RSRC1: variants seen among roughly 807,000 people sequenced by gnomAD.
RSRC1 encodes serine/Arginine-related protein 53.
RSRC1 carries 39 observed loss-of-function variants against 49.1 expected under a neutral mutation model. The ratio of observed to expected loss-of-function variants is 0.79; its 90% CI spans 0.61 to 1.04. The LOEUF (loss-of-function observed/expected upper bound fraction) is 1.04, where lower values mean the gene tolerates loss of function less well. Ranked by LOEUF, RSRC1 falls within the 50% of genes least tolerant of loss-of-function variation. The pLI is 0.00. For missense variants in RSRC1, 388 were observed against 402.4 expected (o/e 0.96, Z 0.31); for synonymous variants, 143 against 130.8 (o/e 1.09, Z -0.63).
intron 7 of RSRC1, among the ~76,000 whole-genome samples, chr3:158,515,242 G>T (rs561525218): frequency 1.3e-5 from 2 of 152,094 alleles, no homozygotes; most frequent in Non-Finnish European, 2.9e-5. Context: ...GATATTGGTT[G>T]TTCCTTTCCA....
At chr3:158,127,756 GTTTT>G (rs34766107) in intron 3 of RSRC1, among the ~76,000 whole-genome samples, 9 of 81,232 alleles carry the variant, frequency 1.1e-4, no homozygotes, top group Non-Finnish European at 1.8e-4. Flanking sequence ...CTGCTTTGTG[GTTTT>G]TTTTTTTTTT....
At chr3:158,209,290 G>A (rs1429538437) in intron 4 of RSRC1, among the ~76,000 whole-genome samples, 1 of 152,086 alleles carries the variant, frequency 6.6e-6, no homozygotes, top group East Asian at 1.9e-4. Context: ...TATCATGGGA[G>A]TAGGTTTCTT....
intron 1 of RSRC1, among the ~76,000 whole-genome samples, chr3:158,111,806 T>C (rs1714429557): frequency 6.6e-6 from 1 of 152,246 alleles, no homozygotes; most frequent in Non-Finnish European, 1.5e-5. Flanking sequence ...TGGAAATCTT[T>C]GTTCTTCAAA....
At chr3:158,273,188 T>C (rs554163798) in intron 4 of RSRC1, among the ~76,000 whole-genome samples, 2 of 152,226 alleles carry the variant, frequency 1.3e-5, no homozygotes, top group African/African-American at 4.8e-5. Context: ...CTTATAAACC[T>C]GGAACTTCGT....
At chr3:158,529,214 G>GTGTATATATATATATA (rs374368016) in intron 7 of RSRC1, among the ~76,000 whole-genome samples, 3 of 143,126 alleles carry the variant, frequency 2.1e-5, no homozygotes, top group Non-Finnish European at 3.0e-5. Flanking sequence ...ATGTGTGTGT[G>GTGTATATATATATATA]TATATATATA....
chr3:158,190,610 C>G (rs1249123018), intron 3 of RSRC1, among the ~76,000 whole-genome samples: 1 of 147,290 alleles, frequency 6.8e-6, no homozygotes, highest in African/African-American at 2.5e-5. Context: ...TGTTATTTGT[C>G]CATTTTTTTC....
intron 7 of RSRC1, among the ~76,000 whole-genome samples, chr3:158,488,118 G>T (rs1738906831): frequency 6.6e-6 from 1 of 152,000 alleles, no homozygotes; most frequent in South Asian, 2.1e-4. Flanking sequence ...ACCTTAAGTG[G>T]CAGTCACAAG....
chr3:158,513,933 T>A (rs1740347292), intron 7 of RSRC1, among the ~76,000 whole-genome samples: 1 of 152,186 alleles, frequency 6.6e-6, no homozygotes. Flanking sequence ...TCTCTGATGG[T>A]AGTTTGTATT....
intron 7 of RSRC1, among the ~76,000 whole-genome samples, chr3:158,461,611 A>T (rs1737616626): frequency 6.6e-6 from 1 of 151,564 alleles, no homozygotes; most frequent in Non-Finnish European, 1.5e-5. Context: ...TTTTTTCTTC[A>T]CGGGGGATTA....
At chr3:158,479,574 A>G (rs1259100751) in intron 7 of RSRC1, among the ~76,000 whole-genome samples, 3 of 152,052 alleles carry the variant, frequency 2.0e-5, no homozygotes, top group Non-Finnish European at 2.9e-5. Context: ...ACTAAAAACC[A>G]TTTAACCAAG....
intron 3 of RSRC1, among the ~76,000 whole-genome samples, chr3:158,140,422 T>C (rs141663963): frequency 6.6e-6 from 1 of 152,242 alleles, no homozygotes; most frequent in African/African-American, 2.4e-5. Flanking sequence ...ACTCTGCTAA[T>C]GGCCACTATT....
At chr3:158,128,232 T>TC (rs972421162) in intron 3 of RSRC1, among the ~76,000 whole-genome samples, 81 of 152,304 alleles carry the variant, frequency 5.3e-4, no homozygotes, top group Admixed American at 4.0e-3. Context: ...GCTTCTCTTT[T>TC]CCCCAGTCCG....
intron 9 of RSRC1, 44 bp from the exon 10 acceptor site, chr3:158,544,139 A>G (rs1481780157): frequency 7.5e-7 from 1 of 1,338,730 alleles, no homozygotes; most frequent in Non-Finnish European, 1.1e-6. Flanking sequence ...AATTCAAGTT[A>G]TTGGGAGACA....
Position 158,449,033 on chromosome 3 carries a change from A to G in RSRC1, c.584-11902A>G, listed in dbSNP as rs1578492591. Among the ~76,000 whole-genome samples, 4 of 152,070 alleles carry G rather than the reference A, an allele frequency of 2.6e-5. No homozygotes were observed. In the South Asian group the frequency reaches 8.3e-4, roughly 31 times the overall value. On this transcript the variant is annotated intron_variant, in intron 6 of 9. Transcript: ENST00000611884. ...AAGATACCATATCATTTTGTAGTTT[A>G]GATTTGTCATGCTCATTCAGCCCAC...
At chr3:158,457,188 A>C (rs1737371323) in intron 6 of RSRC1, among the ~76,000 whole-genome samples, 1 of 152,200 alleles carries the variant, frequency 6.6e-6, no homozygotes, top group Non-Finnish European at 1.5e-5. Context: ...TTTCTTGTTC[A>C]AAGTAAAAAG....
intron 7 of RSRC1, among the ~76,000 whole-genome samples, chr3:158,532,185 C>A (rs942004425): frequency 6.6e-6 from 1 of 151,372 alleles, no homozygotes. Context: ...GCCAACTGAC[C>A]CAAATTTTTT....
chr3:158,163,897 AAATG>A (rs1008603712), intron 3 of RSRC1, among the ~76,000 whole-genome samples: 1 of 152,138 alleles, frequency 6.6e-6, no homozygotes, highest in African/African-American at 2.4e-5. Flanking sequence ...GTAGAAGAAT[AAATG>A]AATGAATGAA....
chr3:158,445,573 C>T (rs757553879), intron 6 of RSRC1, among the ~76,000 whole-genome samples: 15 of 151,836 alleles, frequency 9.9e-5, no homozygotes, highest in Non-Finnish European at 1.6e-4. Context: ...TTAATGGGTG[C>T]GGCACACCAA....
chr3:158,497,419 A>C lies in RSRC1; in HGVS notation c.652+36416A>C, dbSNP rs1262707875. Among the ~76,000 whole-genome samples the C allele has an allele frequency of 7.5e-5, 10 of 132,898 alleles. 1 individual carries two copies. Among genetic ancestry groups the C allele is most frequent in the Non-Finnish European group, 3.2e-5 (2 of 62,716 alleles). 87.2% of individuals were successfully genotyped at this position (132,898 alleles called of 152,430 possible). On this transcript the variant is annotated intron_variant, in intron 7 of 9. Coordinates refer to ENST00000611884, the MANE Select transcript of RSRC1 (RefSeq NM_001271838.2). ...TGCCCCCCTCCCACTCTTCCCCCCA[A>C]GTCCTCACAGTCCATTGTATCATTT...
Sources: gnomAD v4.1 joint callset for allele counts (sites outside exome capture counted in the v4.1 genomes callset) on GRCh38, gnomAD v4.1.1 for gene constraint, MANE v1.5 for transcripts, NCBI Gene and HGNC (gene_info 2026-07-23, HGNC 2026-07-21) for gene names.